UNC5C: variants seen among roughly 807,000 people sequenced by gnomAD.
The protein encoded by UNC5C is netrin receptor UNC5C.
A neutral mutation model predicts 99.8 loss-of-function variants in UNC5C; 47 were observed. That is an observed-to-expected ratio of 0.47 (90% CI 0.37 to 0.60). The LOEUF (loss-of-function observed/expected upper bound fraction) is 0.60, where lower values mean the gene tolerates loss of function less well. UNC5C is among the 20% of genes least tolerant of loss of function. The probability of loss-of-function intolerance (pLI) is 0.00; values close to 1 mark genes in which losing one functional copy is unlikely to be tolerated. For synonymous variants in UNC5C, 487 were observed against 452.2 expected (o/e 1.08, Z -0.98); for missense variants, 1,062 against 1,165.9 (o/e 0.91, Z 1.30).
At chr4:95,366,391 G>A (rs1175084989) in intron 1 of UNC5C, among the ~76,000 whole-genome samples, 1 of 152,188 alleles carries the variant, frequency 6.6e-6, no homozygotes, top group Non-Finnish European at 1.5e-5. Flanking sequence ...TACTGTAAGA[G>A]ATGAGTCACT....
At chr4:95,323,127 A>G (rs575378504) in intron 2 of UNC5C, among the ~76,000 whole-genome samples, 1 of 152,236 alleles carries the variant, frequency 6.6e-6, no homozygotes, top group East Asian at 1.9e-4. Flanking sequence ...TGCATTTGAG[A>G]TACTTCTTTA....
intron 1 of UNC5C, among the ~76,000 whole-genome samples, chr4:95,402,834 C>G (rs1406420978): frequency 3.3e-5 from 5 of 152,002 alleles, no homozygotes; most frequent in Non-Finnish European, 7.4e-5. Flanking sequence ...CTTTAGAGTC[C>G]CCTAGTCTAA....
At chr4:95,478,535 T>C (rs1236398999) in intron 1 of UNC5C, among the ~76,000 whole-genome samples, 5 of 152,026 alleles carry the variant, frequency 3.3e-5, no homozygotes, top group Admixed American at 3.3e-4. Context: ...GATGCCCCTT[T>C]CAATATCTGA....
At chr4:95,333,745 T>C (rs1488264174) in intron 2 of UNC5C, among the ~76,000 whole-genome samples, 2 of 152,024 alleles carry the variant, frequency 1.3e-5, no homozygotes, top group African/African-American at 2.4e-5. Context: ...TAGTTTTGTT[T>C]CTATTTATAA....
At chr4:95,433,454 C>G (rs1188147238) in intron 1 of UNC5C, among the ~76,000 whole-genome samples, 1 of 151,944 alleles carries the variant, frequency 6.6e-6, no homozygotes, top group Non-Finnish European at 1.5e-5. Context: ...TATTTTCAAA[C>G]ATACAGCAAA....
chr4:95,268,157 G>T (rs1278824212), intron 4 of UNC5C, among the ~76,000 whole-genome samples: 2 of 151,424 alleles, frequency 1.3e-5, no homozygotes, highest in Non-Finnish European at 2.9e-5. Context: ...TTTCACCGTG[G>T]TCTCGATCTC....
chr4:95,337,828 T>A (rs1360027267), intron 1 of UNC5C, among the ~76,000 whole-genome samples: 1 of 151,964 alleles, frequency 6.6e-6, no homozygotes, highest in Non-Finnish European at 1.5e-5. Flanking sequence ...TAAATCCAGT[T>A]TTTCTTTGCA....
At chr4:95,346,265 A>G (rs940625489) in intron 1 of UNC5C, among the ~76,000 whole-genome samples, 3 of 151,996 alleles carry the variant, frequency 2.0e-5, no homozygotes, top group African/African-American at 7.2e-5. Flanking sequence ...ACCATTAACA[A>G]GTAAGGGGAT....
At chr4:95,539,891 C>A (rs989918206) in intron 1 of UNC5C, among the ~76,000 whole-genome samples, 1 of 151,588 alleles carries the variant, frequency 6.6e-6, no homozygotes, top group African/African-American at 2.4e-5. Context: ...GGAAAACATA[C>A]TTACTGCCAA....
At chr4:95,262,292 T>C (rs569506000) in intron 4 of UNC5C, among the ~76,000 whole-genome samples, 3 of 152,286 alleles carry the variant, frequency 2.0e-5, no homozygotes, top group South Asian at 4.1e-4. Context: ...AACATAAATT[T>C]TGATGACAGA....
chr4:95,207,505 A>T (rs907904206), intron 10 of UNC5C, among the ~76,000 whole-genome samples: 19 of 152,196 alleles, frequency 1.2e-4, no homozygotes, highest in African/African-American at 4.6e-4. Context: ...TCAACAAGCA[A>T]ATGGATAAAT....
intron 6 of UNC5C, 22 bp downstream of exon 6, chr4:95,244,955 A>T: frequency 6.2e-7 from 1 of 1,612,596 alleles, no homozygotes; most frequent in Non-Finnish European, 8.5e-7. Context: ...GATACTTGGA[A>T]TGAGAGGACT....
At chr4:95,191,444 T>A (rs140852073) in intron 12 of UNC5C, among the ~76,000 whole-genome samples, 151 of 152,178 alleles carry the variant, frequency 9.9e-4, no homozygotes, top group African/African-American at 3.4e-3. Flanking sequence ...CAGTGGTGAT[T>A]TTGTGCCAAA....
At chr4:95,217,006 C>T (rs1395260020) in intron 9 of UNC5C, among the ~76,000 whole-genome samples, 1 of 152,178 alleles carries the variant, frequency 6.6e-6, no homozygotes, top group East Asian at 1.9e-4. Flanking sequence ...CACCACTGCT[C>T]ATCATCACAA....
intron 1 of UNC5C, among the ~76,000 whole-genome samples, chr4:95,359,960 G>T (rs1480533403): frequency 6.6e-6 from 1 of 152,012 alleles, no homozygotes; most frequent in Non-Finnish European, 1.5e-5. Context: ...TAAAAAACAG[G>T]CACAGAGAAG....
At chr4:95,195,902 C>CA (rs397973178) in intron 12 of UNC5C, among the ~76,000 whole-genome samples, 7,739 of 135,364 alleles carry the variant, frequency 0.057, 538 homozygotes, top group African/African-American at 0.17. Flanking sequence ...ATGAGTCCAT[C>CA]AAAAAAAAAA....
At chr4:95,337,285 AT>A (rs1743388261) in intron 1 of UNC5C, among the ~76,000 whole-genome samples, 1 of 151,970 alleles carries the variant, frequency 6.6e-6, no homozygotes, top group Admixed American at 6.6e-5. Context: ...TTTAATAACT[AT>A]TTATTTAAGC....
At chr4:95,421,402 A>G (rs4362825) in intron 1 of UNC5C, among the ~76,000 whole-genome samples, 44,592 of 152,014 alleles carry the variant, frequency 0.29, 6,677 homozygotes, top group South Asian at 0.35. Flanking sequence ...TTTCAACAAA[A>G]TTGGAAAAGT....
At chr4:95,526,441 T>C (rs1428960684) in intron 1 of UNC5C, among the ~76,000 whole-genome samples, 2 of 152,038 alleles carry the variant, frequency 1.3e-5, no homozygotes, top group South Asian at 2.1e-4. Context: ...AAAAGGAAGA[T>C]TTACAATACA....
Sources: allele counts gnomAD v4.1 joint callset (sites outside exome capture counted in the v4.1 genomes callset), GRCh38; gene constraint gnomAD v4.1.1; transcripts MANE v1.5; gene names NCBI Gene and HGNC (gene_info 2026-07-23, HGNC 2026-07-21).